The following CLCN3 variants were observed in gnomAD, a reference collection of about 807,000 sequenced individuals.
The protein encoded by CLCN3 is Cl-/H+ antiporter 3, also known as H(+)/Cl(-) exchange transporter 3.
Under a neutral mutation model 83.4 loss-of-function variants are expected in CLCN3, and 16 were observed. The observed-to-expected ratio is 0.19, with a 90% CI of 0.13 to 0.29. CLCN3 has a LOEUF of 0.29. CLCN3 is among the 10% of genes least tolerant of loss of function. The pLI is 1.00. For synonymous variants in CLCN3, 322 were observed against 346.2 expected (o/e 0.93, Z 0.78); for missense variants, 544 against 1,006.0 (o/e 0.54, Z 6.21).
chr4:169,709,839 C>A (rs924722122), intron 11 of CLCN3, among the ~76,000 whole-genome samples: 1 of 151,892 alleles, frequency 6.6e-6, no homozygotes, highest in Admixed American at 6.6e-5. Flanking sequence ...TGAGTAGCAT[C>A]AAAAATATTT....
intron 3 of CLCN3, chr4:169,680,490 G>T (rs1014063095): frequency 1.6e-5 from 4 of 257,588 alleles, no homozygotes; most frequent in African/African-American, 9.1e-5. Flanking sequence ...ACAGGAGTTG[G>T]GGGGAAGAAC....
chr4:169,670,553 C>T (rs1291648623), intron 2 of CLCN3, among the ~76,000 whole-genome samples: 1 of 152,138 alleles, frequency 6.6e-6, no homozygotes, highest in Non-Finnish European at 1.5e-5. Context: ...TAGTATGATG[C>T]CTCCAGCTTT....
chr4:169,695,614 G>C lies in CLCN3; in HGVS notation c.939G>C (p.Val313=). ...YSTNEAKKRE[V]LSAASAAGVS... ...AATAAGCCATATCCTCTTTCTAGGTGCTATCAGCTGCCTCAGCTGCAGGGG... is the reference window on the plus strand; with the variant it reads ...AATAAGCCATATCCTCTTTCTAGGTCCTATCAGCTGCCTCAGCTGCAGGGG... The change falls in exon 8 of 13, where the codon GTG becomes GTC. Residue 313 remains valine (V), a splice_region_variant and synonymous_variant. Coordinates refer to ENST00000513761, the MANE Select transcript of CLCN3 (RefSeq NM_001829.4). The C allele has an allele frequency of 1.2e-6, 2 of 1,609,648 alleles. No individual in the cohort carries two copies. Among genetic ancestry groups the C allele is most frequent in the Non-Finnish European group, 1.7e-6 (2 of 1,176,466 alleles).
At chr4:169,689,303 A>T in intron 5 of CLCN3, 73 bp downstream of exon 5, 1 of 1,270,666 alleles carries the variant, frequency 7.9e-7, no homozygotes, top group Non-Finnish European at 1.1e-6. Context: ...TTAATTATAG[A>T]ACTAATCACA....
intron 4 of CLCN3, among the ~76,000 whole-genome samples, chr4:169,688,668 C>G (rs1239191120): frequency 6.6e-6 from 1 of 152,028 alleles, no homozygotes; most frequent in African/African-American, 2.4e-5. Context: ...TTCTAATGGA[C>G]ATTAAATTTT....
chr4:169,678,765 CAGA>C (rs1731784265), intron 2 of CLCN3, among the ~76,000 whole-genome samples: 1 of 152,212 alleles, frequency 6.6e-6, no homozygotes, highest in Non-Finnish European at 1.5e-5. Context: ...CATCCCAAGG[CAGA>C]AGAATTTTTC....
intron 1 of CLCN3, among the ~76,000 whole-genome samples, chr4:169,621,386 G>C (rs1482256637): frequency 6.6e-6 from 1 of 152,056 alleles, no homozygotes; most frequent in African/African-American, 2.4e-5. Context: ...ATAATATTCA[G>C]TTTTTCTATC....
At chr4:169,624,829 T>A (rs776183672) in intron 1 of CLCN3, among the ~76,000 whole-genome samples, 5 of 152,206 alleles carry the variant, frequency 3.3e-5, no homozygotes, top group Non-Finnish European at 7.3e-5. Context: ...CTTGCTCTTG[T>A]TGCCCAGGCT....
chr4:169,697,288 C>T lies in CLCN3; in HGVS notation c.1117C>T (p.Arg373Cys), dbSNP rs1249693885. 7.4e-6 allele frequency: 12 copies of T among 1,613,744 alleles called. No homozygotes were observed. The highest frequency in any genetic ancestry group is 1.6e-4 in the Middle Eastern group (1 of 6,084). The part of the protein sequence containing the change: ...LRSINPFGNS[R>C]LVLFYVEYHT... ...GTCCATCAATCCATTTGGTAACAGC[C>T]GTCTGGTCCTTTTTTATGTGGAGTA... is the stretch of plus-strand genomic sequence containing the variant. The change falls in exon 9 of 13, where the codon CGT becomes TGT. Residue 373 changes from arginine to cysteine, a missense_variant. Around this residue, in one of 6 missense-constraint regions of CLCN3, gnomAD observed 194 missense variants for 341.4 expected, o/e 0.57. Coordinates refer to ENST00000513761, the MANE Select transcript of CLCN3 (RefSeq NM_001829.4).
chr4:169,647,858 T>G (rs1044251032), intron 2 of CLCN3, among the ~76,000 whole-genome samples: 5 of 152,198 alleles, frequency 3.3e-5, no homozygotes, highest in Admixed American at 6.5e-5. Flanking sequence ...GGGAAAAACC[T>G]GGAAAACACT....
chr4:169,635,898 T>C lies in CLCN3; in HGVS notation c.-16-15T>C, dbSNP rs1472306599. 2 of 1,508,114 alleles carry C rather than the reference T, an allele frequency of 1.3e-6. No homozygotes were observed. Among genetic ancestry groups the C allele is most frequent in the African/African-American group, 2.8e-5 (2 of 70,724 alleles). 93.4% of individuals were successfully genotyped at this position (1,508,114 alleles called of 1,614,324 possible). On this transcript the variant is annotated splice_polypyrimidine_tract_variant and intron_variant, in intron 1 of 12. Coordinates refer to ENST00000513761, the MANE Select transcript of CLCN3 (RefSeq NM_001829.4). ...ATGTTTGAAAAATGTTAAAACTACT[T>C]TTTCCCCCCCACAGATAATCAGACA...
At chr4:169,718,009 T>TA (rs1467156057) in intron 12 of CLCN3, 9 of 539,132 alleles carry the variant, frequency 1.7e-5, no homozygotes, top group Non-Finnish European at 2.4e-5. Context: ...TTGTATCTGA[T>TA]AAAATGTGTC....
At chr4:169,627,451 A>G (rs905635862) in intron 1 of CLCN3, among the ~76,000 whole-genome samples, 29 of 152,144 alleles carry the variant, frequency 1.9e-4, no homozygotes, top group African/African-American at 7.0e-4. Context: ...GTATCATACC[A>G]TATTGTTGTT....
chr4:169,695,346 T>C lies in CLCN3; in HGVS notation c.937-266T>C, dbSNP rs565059204. 3.3e-5 allele frequency among the ~76,000 whole-genome samples: 5 copies of C among 152,338 alleles called. No homozygotes were observed. In the South Asian group the frequency reaches 1.0e-3, roughly 32 times the overall value. On this transcript the variant is annotated intron_variant, in intron 7 of 12. Coordinates refer to ENST00000513761, the MANE Select transcript of CLCN3 (RefSeq NM_001829.4). The stretch of plus-strand genomic sequence containing the variant: ...ATTGTCTATATTCATTGCCTCCTCC[T>C]CTTTACACCCTATTCACATTAGTAT...
chr4:169,685,736 T>C (rs1047144521), intron 3 of CLCN3, among the ~76,000 whole-genome samples: 8 of 152,212 alleles, frequency 5.3e-5, no homozygotes, highest in African/African-American at 1.7e-4. Flanking sequence ...CAAGCAGTTA[T>C]ATAAAGAAAA....
chr4:169,656,146 C>T (rs1730876543), intron 2 of CLCN3, among the ~76,000 whole-genome samples: 1 of 151,652 alleles, frequency 6.6e-6, no homozygotes, highest in Non-Finnish European at 1.5e-5. Flanking sequence ...TATAGTGTGT[C>T]CAAATGTAAA....
chr4:169,621,737 C>A (rs1388937876), intron 1 of CLCN3, among the ~76,000 whole-genome samples: 1 of 152,174 alleles, frequency 6.6e-6, no homozygotes, highest in African/African-American at 2.4e-5. Flanking sequence ...ATCATTGTGG[C>A]TTGTATAATT....
chr4:169,685,838 T>A (rs1732132166), intron 3 of CLCN3, among the ~76,000 whole-genome samples: 1 of 152,216 alleles, frequency 6.6e-6, no homozygotes, highest in Non-Finnish European at 1.5e-5. Flanking sequence ...GTTTAGTGAT[T>A]ATTTTTGAAA....
At chr4:169,647,788 A>G (rs530958856) in intron 2 of CLCN3, among the ~76,000 whole-genome samples, 1 of 152,236 alleles carries the variant, frequency 6.6e-6, no homozygotes, top group African/African-American at 2.4e-5. Context: ...GGAGAAGCTC[A>G]ATTCCTACCT....
Sources: gnomAD v4.1 joint callset for allele counts (sites outside exome capture counted in the v4.1 genomes callset) on GRCh38, gnomAD v4.1.1 for gene constraint, gnomAD v4.1.1 regional missense constraint, MANE v1.5 for transcripts, NCBI Gene and HGNC (gene_info 2026-07-23, HGNC 2026-07-21) for gene names.